The following SYNPR variants were observed in gnomAD, a reference collection of about 807,000 sequenced individuals.
SYNPR encodes the protein synaptoporin.
In SYNPR, 23 loss-of-function variants were observed where a neutral mutation model predicts 32.9. The observed-to-expected ratio is 0.70, with a 90% CI of 0.50 to 0.99. The LOEUF is 0.99. Among genes scored for constraint, SYNPR ranks in the 50% least tolerant of loss-of-function variants. SYNPR has a pLI of 0.00. For synonymous variants in SYNPR, 146 were observed against 135.9 expected, an observed-to-expected ratio of 1.07 and a Z score of -0.52; for missense variants, 318 against 349.3, an observed-to-expected ratio of 0.91 and a Z score of 0.71.
Position 63,332,645 on chromosome 3 carries a change from C to T in SYNPR, c.84+53903C>T, listed in dbSNP as rs140077285. On this transcript the variant is annotated intron_variant, in intron 2 of 5. Coordinates refer to ENST00000478300, the MANE Select transcript of SYNPR (RefSeq NM_001130003.2). ...ACACTTTTGATGTCTCAGGCTTCTT[C>T]GATCATTTGGTCTTAAGCACAACCC... Among the ~76,000 whole-genome samples the T allele has an allele frequency of 2.0e-3, 304 of 152,180 alleles. 1 individual carries two copies. The highest frequency in any genetic ancestry group is 6.8e-3 in the African/African-American group (281 of 41,516).
At chr3:63,615,101 G>T in intron 5 of SYNPR, 123 bp from the exon 6 acceptor site, 2 of 1,207,396 alleles carry the variant, frequency 1.7e-6, no homozygotes, top group Non-Finnish European at 2.3e-6. Context: ...TGGAAAACTT[G>T]GAAGCGGACT....
intron 2 of SYNPR, among the ~76,000 whole-genome samples, chr3:63,290,280 C>T (rs1289393702): frequency 6.6e-6 from 1 of 152,190 alleles, no homozygotes; most frequent in Non-Finnish European, 1.5e-5. Flanking sequence ...TGCTCTTAAC[C>T]ATTTTTCTGC....
intron 2 of SYNPR, among the ~76,000 whole-genome samples, chr3:63,407,745 A>T (rs1473430980): frequency 6.6e-6 from 1 of 152,148 alleles, no homozygotes; most frequent in Admixed American, 6.6e-5. Context: ...AGCAAGACAA[A>T]TGGTGGGTTA....
the SYNPR span, among the ~76,000 whole-genome samples, chr3:63,210,799 TCC>T: frequency 8.2e-5 from 1 of 12,182 alleles, no homozygotes; most frequent in Non-Finnish European, 3.4e-4. Context: ...TTTCCTCCCT[TCC>T]TTCCTTCCTT....
chr3:63,503,323 G>GT, intron 3 of SYNPR, among the ~76,000 whole-genome samples: 1 of 152,072 alleles, frequency 6.6e-6, no homozygotes, highest in South Asian at 2.1e-4. Context: ...AGGTTTAGAA[G>GT]TTTTTTGTGT....
At chr3:63,452,110 A>T in intron 2 of SYNPR, 1 of 702,160 alleles carries the variant, frequency 1.4e-6, no homozygotes, top group Non-Finnish European at 2.6e-6. Context: ...GGATCTCTTC[A>T]AAAAGGCAAG....
At chr3:63,556,944 C>T (rs1702605670) in intron 4 of SYNPR, among the ~76,000 whole-genome samples, 1 of 152,128 alleles carries the variant, frequency 6.6e-6, no homozygotes, top group South Asian at 2.1e-4. Flanking sequence ...AAGTATCACC[C>T]AACTTGCTAG....
chr3:63,361,530 G>A lies in SYNPR; in HGVS notation c.84+82788G>A, dbSNP rs1003967570. Among the ~76,000 whole-genome samples, 24 of 151,336 alleles carry A rather than the reference G, an allele frequency of 1.6e-4. 1 individual carries two copies. Among genetic ancestry groups the A allele is most frequent in the Non-Finnish European group, 2.8e-4 (19 of 67,882 alleles). ...AGAGAATGGTGTGAACCCGGGAGGC[G>A]GAGCTTGCAGTGAGCAGAGATTGCA... On this transcript the variant is annotated intron_variant, in intron 2 of 5. Coordinates refer to ENST00000478300, the MANE Select transcript of SYNPR (RefSeq NM_001130003.2).
chr3:63,482,494 C>G (rs762359381), intron 3 of SYNPR, among the ~76,000 whole-genome samples: 27 of 152,164 alleles, frequency 1.8e-4, no homozygotes, highest in Non-Finnish European at 3.5e-4. Context: ...TCAACCTTCT[C>G]CCTGCCACAC....
intron 5 of SYNPR, among the ~76,000 whole-genome samples, chr3:63,612,320 CAT>C (rs571282169): frequency 6.6e-6 from 1 of 152,210 alleles, no homozygotes; most frequent in Non-Finnish European, 1.5e-5. Flanking sequence ...TCCCAAATGT[CAT>C]ACAGTGTTAG....
At chr3:63,370,793 C>T (rs571624733) in intron 2 of SYNPR, among the ~76,000 whole-genome samples, 6 of 152,288 alleles carry the variant, frequency 3.9e-5, no homozygotes, top group African/African-American at 1.4e-4. Flanking sequence ...TCAGGTTAAA[C>T]TTTGAATTCA....
At chr3:63,519,679 A>G (rs113566929) in intron 3 of SYNPR, among the ~76,000 whole-genome samples, 6 of 152,332 alleles carry the variant, frequency 3.9e-5, no homozygotes, top group African/African-American at 1.4e-4. Context: ...GGTTTGTACA[A>G]CCACATTGCA....
chr3:63,257,327 G>A (rs1270646583), intron 2 of SYNPR, among the ~76,000 whole-genome samples: 1 of 152,174 alleles, frequency 6.6e-6, no homozygotes, highest in Non-Finnish European at 1.5e-5. Context: ...AGAAAGGTCG[G>A]GTTACCCACA....
intron 1 of SYNPR, among the ~76,000 whole-genome samples, chr3:63,231,061 G>A (rs2086163308): frequency 6.6e-6 from 1 of 152,124 alleles, no homozygotes; most frequent in Non-Finnish European, 1.5e-5. Flanking sequence ...GTTTGTAGCA[G>A]TACAATTAGC....
At chr3:63,308,146 TTAAC>T (rs1430881809) in intron 2 of SYNPR, among the ~76,000 whole-genome samples, 1 of 152,166 alleles carries the variant, frequency 6.6e-6, no homozygotes, top group African/African-American at 2.4e-5. Context: ...GAAAAGAAAC[TTAAC>T]TATTTTTTGT....
chr3:63,230,020 T>C (rs9883270), intron 1 of SYNPR, among the ~76,000 whole-genome samples: 149,509 of 152,264 alleles, frequency 0.98, 73,408 homozygotes, highest in East Asian at 1. Context: ...ATATGGACCA[T>C]GCATTACATA....
At chr3:63,590,882 G>A (rs1384762101) in intron 4 of SYNPR, among the ~76,000 whole-genome samples, 1 of 143,760 alleles carries the variant, frequency 7.0e-6, no homozygotes. Context: ...TTACCATTCA[G>A]GACATAGGCA....
At position 63,306,615 on chromosome 3, in the gene SYNPR, C is replaced by T. The variant is rs115683006; in HGVS notation, c.84+27873C>T. Among the ~76,000 whole-genome samples the T allele has an allele frequency of 5.3e-3, 798 of 151,744 alleles. 6 individuals carry two copies. The highest frequency in any genetic ancestry group is 0.019 in the African/African-American group (767 of 41,436). ...AGGAGTTCATTATAATGATAAAGAT[C>T]AAAGTTAGCAGAGAACTCAATATGC... is the stretch of plus-strand genomic sequence containing the variant. On this transcript the variant is annotated intron_variant, in intron 2 of 5. Transcript: ENST00000478300.
chr3:63,585,881 A>G (rs762238643), intron 4 of SYNPR, among the ~76,000 whole-genome samples: 2 of 152,112 alleles, frequency 1.3e-5, no homozygotes, highest in Non-Finnish European at 2.9e-5. Flanking sequence ...CTAAGAAGTA[A>G]CATAACTGAG....
Sources: gnomAD v4.1 joint callset for allele counts (sites outside exome capture counted in the v4.1 genomes callset) on GRCh38, gnomAD v4.1.1 for gene constraint, MANE v1.5 for transcripts, NCBI Gene and HGNC (gene_info 2026-07-23, HGNC 2026-07-21) for gene names.